KIF13A: variants seen among roughly 807,000 people sequenced by gnomAD.
KIF13A encodes the protein kinesin-like protein KIF13A.
Under a neutral mutation model 212.2 loss-of-function variants are expected in KIF13A, and 79 were observed. The observed-to-expected ratio is 0.37, with a 90% CI of 0.31 to 0.45. The LOEUF is 0.45. Ranked by LOEUF, KIF13A falls within the 20% of genes least tolerant of loss-of-function variation. KIF13A has a pLI of 1.00. For synonymous variants in KIF13A, 789 were observed against 808.6 expected, an observed-to-expected ratio of 0.98 and a Z score of 0.41; for missense variants, 1,901 against 2,209.0, an observed-to-expected ratio of 0.86 and a Z score of 2.79.
intron 3 of KIF13A, among the ~76,000 whole-genome samples, chr6:17,874,511 C>T (rs979808377): frequency 6.6e-6 from 1 of 152,158 alleles, no homozygotes; most frequent in East Asian, 1.9e-4. Flanking sequence ...TCTCGGCTCA[C>T]CGCAACCTCT....
At chr6:17,791,390 G>C (rs1240385741) in intron 25 of KIF13A, among the ~76,000 whole-genome samples, 3 of 145,460 alleles carry the variant, frequency 2.1e-5, no homozygotes, top group African/African-American at 5.1e-5. Flanking sequence ...TTTTGCATCA[G>C]AATAATTCTA....
chr6:17,790,991 T>G (rs1761486749), intron 25 of KIF13A, among the ~76,000 whole-genome samples: 1 of 152,250 alleles, frequency 6.6e-6, no homozygotes, highest in East Asian at 1.9e-4. Flanking sequence ...AGGGTCTTGG[T>G]AGAAAAAAAT....
At chr6:17,864,202 G>A (rs1312517679) in intron 4 of KIF13A, among the ~76,000 whole-genome samples, 1 of 152,178 alleles carries the variant, frequency 6.6e-6, no homozygotes, top group Non-Finnish European at 1.5e-5. Flanking sequence ...CAGAACCGAT[G>A]CCAAAAAGGC....
At position 17,773,563 on chromosome 6, in the gene KIF13A, C is replaced by T. The variant is rs1021653694; in HGVS notation, c.4239G>A (p.Leu1413=). Residue 1413 remains leucine, a synonymous_variant, in exon 36 of 39, where the codon TTG becomes TTA. Transcript: ENST00000259711. This position sits in a 1 kb window ranked among gnomAD's most constrained non-coding sequence, Gnocchi z 4.2. ...AACTGGAGCTATAGTCAGACATGTC[C>T]AACTGGTTCTCTGGCCAACCCTACA... The part of the protein sequence containing the change: ...EDDKGWPENQ[L]DMSDYSSSYQ... 8.7e-6 allele frequency: 14 copies of T among 1,608,276 alleles called. No homozygotes were observed. The highest frequency in any genetic ancestry group is 1.0e-5 in the Non-Finnish European group (12 of 1,175,852).
At chr6:17,821,734 A>G (rs12205910) in intron 16 of KIF13A, 780,500 of 1,522,766 alleles carry the variant, frequency 0.51, 202,241 homozygotes, top group South Asian at 0.55. Context: ...AATCAGCAGC[A>G]CTGCTAAAAA....
At chr6:17,922,960 A>C (rs1206632007) in intron 2 of KIF13A, among the ~76,000 whole-genome samples, 1 of 151,600 alleles carries the variant, frequency 6.6e-6, no homozygotes, top group Non-Finnish European at 1.5e-5. Flanking sequence ...TCACCTTCAT[A>C]TATATTCCAC....
chr6:17,918,379 G>A lies in KIF13A; in HGVS notation c.147-20199C>T, dbSNP rs1326464602. On this transcript the variant is annotated intron_variant, in intron 2 of 38. Transcript: ENST00000259711. The surrounding 1 kb of genome is among the most constrained non-coding windows in gnomAD (Gnocchi z 4.8). ...CATTTATGACAAGTTGTACTTAAAC[G>A]GCAGCCTATTTTTACATAAATAACA... Among the ~76,000 whole-genome samples the A allele has an allele frequency of 2.1e-4, 32 of 152,046 alleles. No homozygotes were observed. Among genetic ancestry groups the A allele is most frequent in the Admixed American group, 1.8e-3 (27 of 15,260 alleles).
Position 17,856,201 on chromosome 6 carries a change from G to T in KIF13A, c.221-79C>A. The T allele has an allele frequency of 1.0e-6, 1 of 989,750 alleles. No homozygotes were observed. The highest frequency in any genetic ancestry group is 1.5e-6 in the Non-Finnish European group (1 of 647,052). The allele number at this position is 989,750 out of a possible 1,614,324, so 61.3% of individuals were successfully genotyped here. On this transcript the variant is annotated intron_variant, in intron 4 of 38. Coordinates refer to ENST00000259711, the MANE Select transcript of KIF13A (RefSeq NM_022113.6). The surrounding 1 kb of genome is among the most constrained non-coding windows in gnomAD (Gnocchi z 4.5). ...ATATTTGTGTTAGTAACAATATTAT[G>T]TCAATTCAAAAAAATGTTAAAAGTG... is the stretch of plus-strand genomic sequence containing the variant.
chr6:17,766,466 G>A (rs565331037), intron 38 of KIF13A, among the ~76,000 whole-genome samples: 2 of 152,112 alleles, frequency 1.3e-5, no homozygotes, highest in African/African-American at 2.4e-5. Context: ...TCAAACTGCC[G>A]ACCTCAGGTG....
intron 2 of KIF13A, among the ~76,000 whole-genome samples, chr6:17,907,490 C>T (rs1212638449): frequency 6.6e-6 from 1 of 151,778 alleles, no homozygotes; most frequent in African/African-American, 2.4e-5. Flanking sequence ...CCTTCTGTGT[C>T]CTTCATGAAT....
At chr6:17,920,352 C>A (rs1774947808) in intron 2 of KIF13A, among the ~76,000 whole-genome samples, 1 of 152,172 alleles carries the variant, frequency 6.6e-6, no homozygotes, top group East Asian at 1.9e-4. Flanking sequence ...AGGAAGAACA[C>A]TTTTTTCTTT....
intron 17 of KIF13A, among the ~76,000 whole-genome samples, chr6:17,813,949 T>TG (rs1491334050): frequency 1.8e-4 from 1 of 5,434 alleles, no homozygotes; most frequent in Non-Finnish European, 3.8e-4. Context: ...AAGGTGCTGC[T>TG]TTTTTTTTTT....
At position 17,855,897 on chromosome 6, in the gene KIF13A, A is replaced by C. The variant is rs1581538323; in HGVS notation, c.313+133T>G. On this transcript the variant is annotated intron_variant, in intron 5 of 38. Coordinates refer to ENST00000259711, the MANE Select transcript of KIF13A (RefSeq NM_022113.6). The surrounding 1 kb of genome is among the most constrained non-coding windows in gnomAD (Gnocchi z 4.1). ...GGGCTAATGTTTTTAGTTTTTATAA[A>C]GACGGGTCTTACTATGTTGCCCAGG... 6.0e-6 allele frequency: 4 copies of C among 669,936 alleles called. No individual in the cohort carries two copies. In the East Asian group the frequency reaches 1.1e-4, roughly 18 times the overall value. The allele number at this position is 669,936 out of a possible 1,614,324, so 41.5% of individuals were successfully genotyped here. A position where few individuals can be genotyped will look rare whatever the true frequency, so the allele number is the denominator to read the frequency against.
At position 17,850,590 on chromosome 6, in the gene KIF13A, T is replaced by C; in HGVS notation, c.583-133A>G. 3 of 817,162 alleles carry C rather than the reference T, an allele frequency of 3.7e-6. No individual in the cohort carries two copies. The highest frequency in any genetic ancestry group is 7.7e-4 in the Middle Eastern group (2 of 2,594). The allele number at this position is 817,162 out of a possible 1,614,324, so 50.6% of individuals were successfully genotyped here. Reference sequence around the variant, plus strand: ...CCTTCCATAGAAACCTCCCTGCCGCTCCTCCATTGAGCATGGTTTGAGCTT... The same window carrying C: ...CCTTCCATAGAAACCTCCCTGCCGCCCCTCCATTGAGCATGGTTTGAGCTT... On this transcript the variant is annotated intron_variant, in intron 7 of 38. Coordinates refer to ENST00000259711, the MANE Select transcript of KIF13A (RefSeq NM_022113.6). This position sits in a 1 kb window ranked among gnomAD's most constrained non-coding sequence, Gnocchi z 6.2.
At chr6:17,827,602 C>T (rs755276669) in intron 14 of KIF13A, among the ~76,000 whole-genome samples, 6 of 151,514 alleles carry the variant, frequency 4.0e-5, no homozygotes, top group South Asian at 2.1e-4. Context: ...ACTGTAGCCT[C>T]GACCTCTTGA....
rs761848653 is a variant in KIF13A, at chr6:17,881,771, G to A, written c.160-8334C>T. 3.9e-5 allele frequency: 13 copies of A among 334,864 alleles called. No homozygotes were observed. In the East Asian group the frequency reaches 6.1e-4, roughly 16 times the overall value. The allele number at this position is 334,864 out of a possible 1,614,324, so 20.7% of individuals were successfully genotyped here. On this transcript the variant is annotated intron_variant, in intron 3 of 38. Transcript: ENST00000259711. ...AGCACTTTGGGAGGTGGAGGCAGGCGGATTACTTGAGATCAGGAGTTTGAG... is the reference window on the plus strand; with the variant it reads ...AGCACTTTGGGAGGTGGAGGCAGGCAGATTACTTGAGATCAGGAGTTTGAG...
At chr6:17,854,546 ATTTTTTTTTTT>A (rs36073765) in intron 6 of KIF13A, among the ~76,000 whole-genome samples, 11 of 77,118 alleles carry the variant, frequency 1.4e-4, no homozygotes, top group Middle Eastern at 0.016. Context: ...AATCAGTATA[ATTTTTTTTTTT>A]TTTTTTTTTT....
chr6:17,865,216 A>T (rs913682382), intron 4 of KIF13A, among the ~76,000 whole-genome samples: 1 of 152,206 alleles, frequency 6.6e-6, no homozygotes, highest in African/African-American at 2.4e-5. Context: ...CTACATAGAA[A>T]AGCATCCAAT....
chr6:17,834,652 T>A lies in KIF13A; in HGVS notation c.1156-581A>T, dbSNP rs148859994. Among the ~76,000 whole-genome samples, 33 of 151,894 alleles carry A rather than the reference T, an allele frequency of 2.2e-4. No homozygotes were observed. The highest frequency in any genetic ancestry group is 7.2e-4 in the African/African-American group (30 of 41,400). Reference sequence around the variant, plus strand: ...TTGTTCAGGGAGAGTAACTAAGAGGTTTCAATACAGATACTTGCAGCTTAA... The same window carrying A: ...TTGTTCAGGGAGAGTAACTAAGAGGATTCAATACAGATACTTGCAGCTTAA... On this transcript the variant is annotated intron_variant, in intron 11 of 38. Transcript: ENST00000259711. This position sits in a 1 kb window ranked among gnomAD's most constrained non-coding sequence, Gnocchi z 4.0.
Sources: gnomAD v4.1 joint callset for allele counts (sites outside exome capture counted in the v4.1 genomes callset) on GRCh38, gnomAD v4.1.1 for gene constraint, Gnocchi (gnomAD v3.1) non-coding constraint, MANE v1.5 for transcripts, NCBI Gene and HGNC (gene_info 2026-07-23, HGNC 2026-07-21) for gene names.